MIOS: variants seen among roughly 807,000 people sequenced by gnomAD.
The protein encoded by MIOS is GATOR2 complex protein MIOS.
MIOS carries 52 observed loss-of-function variants against 96.9 expected under a neutral mutation model. The ratio of observed to expected loss-of-function variants is 0.54; its 90% CI spans 0.43 to 0.68. The LOEUF (loss-of-function observed/expected upper bound fraction) is 0.68. Among genes scored for constraint, MIOS ranks in the 30% least tolerant of loss-of-function variants. The probability of loss-of-function intolerance (pLI) is 0.00; values close to 1 mark genes in which losing one functional copy is unlikely to be tolerated. For missense variants in MIOS, 1,005 were observed against 1,052.8 expected (o/e 0.95, Z 0.63); for synonymous variants, 397 against 359.5 (o/e 1.10, Z -1.18).
intron 5 of MIOS, chr7:7,582,828 G>A (rs1783773227): frequency 3.5e-6 from 1 of 286,812 alleles, no homozygotes; most frequent in African/African-American, 2.2e-5. Flanking sequence ...TGGTGAGTTA[G>A]ATAATAACAA....
chr7:7,598,020 A>C (rs572613046), intron 11 of MIOS, among the ~76,000 whole-genome samples: 1 of 152,216 alleles, frequency 6.6e-6, no homozygotes, highest in Non-Finnish European at 1.5e-5. Flanking sequence ...TATAGTAAAC[A>C]TATGGGAAAA....
chr7:7,597,467 T>C (rs1351059150), intron 11 of MIOS, among the ~76,000 whole-genome samples: 1 of 82,392 alleles, frequency 1.2e-5, no homozygotes, highest in Non-Finnish European at 2.3e-5. Context: ...ACCTAGTAAA[T>C]TTATATATAT....
chr7:7,605,060 C>T (rs1784488178), intron 11 of MIOS: 1 of 152,116 alleles, frequency 6.6e-6, no homozygotes, highest in African/African-American at 2.4e-5. Flanking sequence ...AAAACTATTC[C>T]CGACTGCAAG....
At chr7:7,604,371 A>G (rs1784466657) in intron 11 of MIOS, among the ~76,000 whole-genome samples, 1 of 152,120 alleles carries the variant, frequency 6.6e-6, no homozygotes, top group Non-Finnish European at 1.5e-5. Flanking sequence ...TGATATTTTT[A>G]TACTCAATTG....
intron 5 of MIOS, chr7:7,582,707 C>A: frequency 1.3e-6 from 1 of 758,772 alleles, no homozygotes. Context: ...ACAGACAAGA[C>A]ACCTGCCCTT....
chr7:7,590,996 GT>G (rs201678021), intron 9 of MIOS, among the ~76,000 whole-genome samples: 3 of 152,040 alleles, frequency 2.0e-5, no homozygotes, highest in African/African-American at 7.2e-5. Context: ...AACTTACAGT[GT>G]TTTTTTAACA....
chr7:7,605,062 G>T (rs889671188), intron 11 of MIOS: 1 of 151,910 alleles, frequency 6.6e-6, no homozygotes. Flanking sequence ...AACTATTCCC[G>T]ACTGCAAGAT....
At chr7:7,601,643 A>G (rs1224300618) in intron 11 of MIOS, among the ~76,000 whole-genome samples, 5 of 152,214 alleles carry the variant, frequency 3.3e-5, no homozygotes, top group Non-Finnish European at 7.3e-5. Context: ...TACCAGAGGT[A>G]CAAGGAGGAG....
chr7:7,573,674 C>A lies in MIOS; in HGVS notation c.1199C>A (p.Ser400Ter), dbSNP rs775069947. ...ACGAAGATGCGTCTTCGGGCTTTAT[C>A]AAGGTATGGACTTGATACAGAGCAG... Reference protein sequence around the residue: ...IATKMRLRALSRYGLDTEQVW... With the variant: ...IATKMRLRAL Residue 400 changes from serine to a stop codon, truncating the protein, a stop_gained, in exon 4 of 13, where the codon TCA becomes TAA. Coordinates refer to ENST00000340080, the MANE Select transcript of MIOS (RefSeq NM_019005.4). LOFTEE classifies it high-confidence loss of function. This position sits in a 1 kb window ranked among gnomAD's most constrained non-coding sequence, Gnocchi z 5.0. The A allele has an allele frequency of 6.2e-7, 1 of 1,613,878 alleles. No individual in the cohort carries two copies. The highest frequency in any genetic ancestry group is 8.5e-7 in the Non-Finnish European group (1 of 1,179,912).
chr7:7,572,387 A>G lies in MIOS; in HGVS notation c.-40-49A>G, dbSNP rs1445413419. On this transcript the variant is annotated intron_variant, in intron 3 of 12. Transcript: ENST00000340080. The surrounding 1 kb of genome is among the most constrained non-coding windows in gnomAD (Gnocchi z 4.8). ...TCTGAATAGTTTATTCAACGTAAGAATTATATTTTGCTGATATTTTAAAAC... is the reference window on the plus strand; with the variant it reads ...TCTGAATAGTTTATTCAACGTAAGAGTTATATTTTGCTGATATTTTAAAAC... The G allele has an allele frequency of 1.8e-5, 17 of 956,898 alleles. No individual in the cohort carries two copies. Among genetic ancestry groups the G allele is most frequent in the Non-Finnish European group, 2.4e-5 (16 of 656,346 alleles). The allele number at this position is 956,898 out of a possible 1,614,324, so 59.3% of individuals were successfully genotyped here. A position where few individuals can be genotyped will look rare whatever the true frequency, so the allele number is the denominator to read the frequency against.
In MIOS at chr7:7,605,969, A is replaced by T; in HGVS notation, c.2429A>T (p.Asp810Val). The T allele has an allele frequency of 6.2e-7, 1 of 1,613,868 alleles. No homozygotes were observed. Among genetic ancestry groups the T allele is most frequent in the Non-Finnish European group, 8.5e-7 (1 of 1,179,816 alleles). Reference protein sequence around the residue: ...PGGTKSDEKVDLSKDKKLAQF... With the variant: ...PGGTKSDEKVVLSKDKKLAQF... ...GGAACCAAATCAGATGAAAAAGTGG[A>T]CTTGAGCAAGGACAAAAAATTAGCC... The change falls in exon 12 of 13, where the codon GAC becomes GTC. Residue 810 changes from aspartate (D) to valine (V), a missense_variant. By Grantham distance (152) the Asp-to-Val change is radical. Around this residue, in one of 3 missense-constraint regions of MIOS, gnomAD observed 865 missense variants for 887.9 expected, o/e 0.97. Coordinates refer to ENST00000340080, the MANE Select transcript of MIOS (RefSeq NM_019005.4).
At chr7:7,589,631 A>G (rs1480550453) in intron 9 of MIOS, 68 bp downstream of exon 9, 1 of 1,506,644 alleles carries the variant, frequency 6.6e-7, no homozygotes, top group African/African-American at 1.4e-5. Context: ...CTCAGTTGAA[A>G]GTAAATATGC....
chr7:7,605,242 T>G (rs536296960), intron 11 of MIOS: 1 of 152,270 alleles, frequency 6.6e-6, no homozygotes, highest in African/African-American at 2.4e-5. Flanking sequence ...AACTTTCTGC[T>G]TTTTCTCTTC....
Position 7,573,824 on chromosome 7 carries a change from G to C in MIOS, c.1294+55G>C. The C allele has an allele frequency of 6.7e-7, 1 of 1,487,146 alleles. No individual in the cohort carries two copies. Among genetic ancestry groups the C allele is most frequent in the Non-Finnish European group, 9.0e-7 (1 of 1,108,416 alleles). The allele number at this position is 1,487,146 out of a possible 1,614,324, so 92.1% of individuals were successfully genotyped here. On this transcript the variant is annotated intron_variant, in intron 4 of 12. Coordinates refer to ENST00000340080, the MANE Select transcript of MIOS (RefSeq NM_019005.4). The surrounding 1 kb of genome is among the most constrained non-coding windows in gnomAD (Gnocchi z 5.0). ...TGAATCAGGTAGAAATGTTCTTGAA[G>C]TTTGCCAAAAGGTCAGTCTGTAAAT...
At chr7:7,582,433 C>A (rs74611860) in intron 5 of MIOS, among the ~76,000 whole-genome samples, 2,475 of 152,218 alleles carry the variant, frequency 0.016, 72 homozygotes, top group African/African-American at 0.057. Flanking sequence ...TCATTAGGAT[C>A]AACTGCCTTG....
chr7:7,598,020 A>T (rs572613046), intron 11 of MIOS, among the ~76,000 whole-genome samples: 12 of 152,216 alleles, frequency 7.9e-5, no homozygotes, highest in Admixed American at 5.2e-4. Flanking sequence ...TATAGTAAAC[A>T]TATGGGAAAA....
chr7:7,597,564 A>C (rs1413969187), intron 11 of MIOS, among the ~76,000 whole-genome samples: 3 of 134,828 alleles, frequency 2.2e-5, no homozygotes, highest in African/African-American at 8.2e-5. Flanking sequence ...TTTTGATTTA[A>C]ATTTTAATCA....
intron 11 of MIOS, among the ~76,000 whole-genome samples, chr7:7,597,546 C>T (rs1386366901): frequency 8.7e-6 from 1 of 114,464 alleles, no homozygotes; most frequent in Non-Finnish European, 1.8e-5. Flanking sequence ...TTTAAATGTA[C>T]ATTTTAGTTT....
In MIOS at chr7:7,585,789, C is replaced by T. The variant is rs1473401103; in HGVS notation, c.1802C>T (p.Ser601Phe). ...MFAFLTSETGSYDGVLYENKV... is the reference protein window; with the variant it reads ...MFAFLTSETGFYDGVLYENKV... ...GCATTTCTGACAAGTGAAACAGGAT[C>T]TTACGATGGAGTTTTGGTAAGCTAA... The change falls in exon 7 of 13, where the codon TCT (serine) becomes TTT (phenylalanine). Residue 601 changes from serine to phenylalanine, a missense_variant. Around this residue, in one of 3 missense-constraint regions of MIOS, gnomAD observed 865 missense variants for 887.9 expected, o/e 0.97. Coordinates refer to ENST00000340080, the MANE Select transcript of MIOS (RefSeq NM_019005.4). 3 of 1,606,590 alleles carry T rather than the reference C, an allele frequency of 1.9e-6. No individual in the cohort carries two copies. The highest frequency in any genetic ancestry group is 2.5e-6 in the Non-Finnish European group (3 of 1,176,990).
Sources: allele counts gnomAD v4.1 joint callset (sites outside exome capture counted in the v4.1 genomes callset), GRCh38; gene constraint gnomAD v4.1.1; regional missense constraint gnomAD v4.1.1; non-coding constraint Gnocchi (gnomAD v3.1); transcripts MANE v1.5; gene names NCBI Gene and HGNC (gene_info 2026-07-23, HGNC 2026-07-21).